Variants in DENND1A observed in about 807,000 individuals in gnomAD.
The protein encoded by DENND1A is DENN domain containing 1A, also known as DENN domain-containing protein 1A.
Under a neutral mutation model 113.7 loss-of-function variants are expected in DENND1A, and 51 were observed. That is an observed-to-expected ratio of 0.45 (90% confidence interval 0.36 to 0.57). The LOEUF (loss-of-function observed/expected upper bound fraction) is 0.57, where lower values mean the gene tolerates loss of function less well. DENND1A is among the 20% of genes least tolerant of loss of function. The probability of loss-of-function intolerance (pLI) is 0.00; values close to 1 mark genes in which losing one functional copy is unlikely to be tolerated. For missense variants in DENND1A, 1,258 were observed against 1,395.9 expected, an observed-to-expected ratio of 0.90 and a Z score of 1.57; for synonymous variants, 565 against 570.8, an observed-to-expected ratio of 0.99 and a Z score of 0.14.
chr9:123,887,083 G>C (rs533508672), intron 1 of DENND1A, among the ~76,000 whole-genome samples: 1 of 152,106 alleles, frequency 6.6e-6, no homozygotes, highest in South Asian at 2.1e-4. Flanking sequence ...GTGTTAATAA[G>C]TTGTCTCATA....
At position 123,433,250 on chromosome 9, in the gene DENND1A, A is replaced by G. The variant is rs573278562; in HGVS notation, c.1488+7110T>C. On this transcript the variant is annotated intron_variant, in intron 19 of 23. Coordinates refer to ENST00000394215, the MANE Select transcript of DENND1A (RefSeq NM_001352964.2). ...ACTTACTGAAGGTCACCAGCTAGTG[A>G]GTGGCACAGCTGAAACTTAAGTCCA... Among the ~76,000 whole-genome samples the G allele has an allele frequency of 2.6e-5, 4 of 152,342 alleles. No individual in the cohort carries two copies. The East Asian group carries it at 7.7e-4, about 29-fold the overall frequency.
chr9:123,382,298 C>T lies in DENND1A; in HGVS notation c.2347G>A (p.Ala783Thr). 1.2e-6 allele frequency: 2 copies of T among 1,610,670 alleles called. No homozygotes were observed. The highest frequency in any genetic ancestry group is 1.1e-5 in the South Asian group (1 of 90,872). Reference sequence around the variant, plus strand: ...GCGGCGCCGGCAGCCTGGAGCTTGGCCGGGCGGGGAATGGGCGGTGGAGGC... The same window carrying T: ...GCGGCGCCGGCAGCCTGGAGCTTGGTCGGGCGGGGAATGGGCGGTGGAGGC... ...IVPPPPIPRP[A>T]KLQAAGAALG... Residue 783 changes from alanine to threonine, a missense_variant, in exon 24 of 24, where the codon GCC becomes ACC. By Grantham distance (58) the Ala-to-Thr change is moderately conservative. Around this residue, in one of 2 missense-constraint regions of DENND1A, gnomAD observed 1,159 missense variants for 1,231.7 expected, o/e 0.94. Coordinates refer to ENST00000394215, the MANE Select transcript of DENND1A (RefSeq NM_001352964.2).
chr9:123,865,906 T>C (rs1367184262), intron 2 of DENND1A, among the ~76,000 whole-genome samples: 1 of 152,110 alleles, frequency 6.6e-6, no homozygotes, highest in East Asian at 1.9e-4. Flanking sequence ...TGGGGGCATT[T>C]TGGGGGGATG....
At chr9:123,626,610 C>A (rs924453483) in intron 10 of DENND1A, among the ~76,000 whole-genome samples, 1 of 152,134 alleles carries the variant, frequency 6.6e-6, no homozygotes, top group Non-Finnish European at 1.5e-5. Flanking sequence ...CTCTGCCCAG[C>A]CCTCAAGCTT....
rs1554916729 is a variant in DENND1A, at chr9:123,620,232, A to AAAAAAAAAAAAAAAAG, written c.719+10143_719+10144insCTTTTTTTTTTTTTTT. On this transcript the variant is annotated intron_variant, in intron 10 of 23. Transcript: ENST00000394215. ...CCATCTCAAAAAAAAAAAAAAAAAA[A>AAAAAAAAAAAAAAAAG]AAAAAAGAAAAGAAAAAGAAAAAAA... is the stretch of plus-strand genomic sequence containing the variant. Among the ~76,000 whole-genome samples, 38 of 114,418 alleles carry AAAAAAAAAAAAAAAAG rather than the reference A, an allele frequency of 3.3e-4. 1 individual carries two copies. The highest frequency in any genetic ancestry group is 1.2e-3 in the African/African-American group (33 of 26,862). The allele number at this position is 114,418 out of a possible 152,430, so 75.1% of individuals were successfully genotyped here.
At chr9:123,725,122 T>C (rs1300610170) in intron 5 of DENND1A, among the ~76,000 whole-genome samples, 1 of 152,220 alleles carries the variant, frequency 6.6e-6, no homozygotes, top group African/African-American at 2.4e-5. Flanking sequence ...ACACCAATTA[T>C]GCCCAAGCTT....
In DENND1A at chr9:123,911,966, T is replaced by C. The variant is rs1588209062; in HGVS notation, c.17+17923A>G. On this transcript the variant is annotated intron_variant, in intron 1 of 23. Transcript: ENST00000394215. ...ACCTCGGCCTCCCAAAGTGCTGGGATTACAGGCTTGAGCCACCGTGCCCTG... is the reference window on the plus strand; with the variant it reads ...ACCTCGGCCTCCCAAAGTGCTGGGACTACAGGCTTGAGCCACCGTGCCCTG... Among the ~76,000 whole-genome samples, 3 of 152,232 alleles carry C rather than the reference T, an allele frequency of 2.0e-5. No individual in the cohort carries two copies. In the South Asian group the frequency reaches 6.2e-4, roughly 32 times the overall value.
chr9:123,552,939 T>C (rs528164813), intron 13 of DENND1A, among the ~76,000 whole-genome samples: 2 of 152,332 alleles, frequency 1.3e-5, no homozygotes, highest in African/African-American at 4.8e-5. Context: ...TGTGGTATCA[T>C]GAAACATTAC....
chr9:123,928,632 T>C, intron 1 of DENND1A: 1 of 985,432 alleles, frequency 1.0e-6, no homozygotes, highest in Non-Finnish European at 1.2e-6. Flanking sequence ...AGCAGATGTC[T>C]CAAGGCTGCT....
intron 13 of DENND1A, among the ~76,000 whole-genome samples, chr9:123,516,453 A>T (rs539730610): frequency 1.4e-4 from 22 of 152,352 alleles, no homozygotes; most frequent in African/African-American, 4.6e-4. Context: ...ATAAACATGA[A>T]TAACAGTTCA....
intron 2 of DENND1A, among the ~76,000 whole-genome samples, chr9:123,840,760 C>T (rs533272206): frequency 6.6e-6 from 1 of 152,270 alleles, no homozygotes; most frequent in East Asian, 1.9e-4. Context: ...TTATGCAAGA[C>T]TCAGCACCGC....
At chr9:123,625,685 A>G (rs2061177726) in intron 10 of DENND1A, among the ~76,000 whole-genome samples, 1 of 152,256 alleles carries the variant, frequency 6.6e-6, no homozygotes, top group African/African-American at 2.4e-5. Flanking sequence ...CTGAGGTTGC[A>G]GTGAGCCAAG....
intron 13 of DENND1A, among the ~76,000 whole-genome samples, chr9:123,535,211 G>A (rs544203523): frequency 2.0e-5 from 3 of 152,106 alleles, no homozygotes; most frequent in African/African-American, 7.2e-5. Flanking sequence ...AATAAGTGTC[G>A]TAAAACTTAA....
chr9:123,862,645 T>C (rs1845207714), intron 2 of DENND1A, among the ~76,000 whole-genome samples: 2 of 152,128 alleles, frequency 1.3e-5, no homozygotes, highest in Non-Finnish European at 1.5e-5. Flanking sequence ...GAAAAAAACA[T>C]TTCCATCTGT....
chr9:123,795,350 A>G (rs1833604024), intron 2 of DENND1A, among the ~76,000 whole-genome samples: 1 of 152,202 alleles, frequency 6.6e-6, no homozygotes, highest in Non-Finnish European at 1.5e-5. Flanking sequence ...ATCTTTTTTC[A>G]CATTGAGTCA....
At chr9:123,690,575 G>C (rs573552548) in intron 5 of DENND1A, among the ~76,000 whole-genome samples, 1 of 152,028 alleles carries the variant, frequency 6.6e-6, no homozygotes, top group African/African-American at 2.4e-5. Context: ...ATATACGAAG[G>C]ATTTTTTCAT....
intron 19 of DENND1A, among the ~76,000 whole-genome samples, chr9:123,420,613 A>C (rs2045198719): frequency 6.6e-6 from 1 of 152,156 alleles, no homozygotes; most frequent in Admixed American, 6.5e-5. Context: ...GCTGAAAGAC[A>C]TCTCAGACTG....
intron 2 of DENND1A, among the ~76,000 whole-genome samples, chr9:123,864,909 C>G (rs1416106544): frequency 6.6e-6 from 1 of 152,174 alleles, no homozygotes; most frequent in Admixed American, 6.5e-5. Flanking sequence ...AGTCACTGTT[C>G]TAGGTGCTGG....
intron 1 of DENND1A, among the ~76,000 whole-genome samples, chr9:123,920,766 T>A (rs1856097490): frequency 4.0e-5 from 6 of 151,508 alleles, no homozygotes; most frequent in Admixed American, 2.6e-4. Flanking sequence ...AGAGATGGGG[T>A]TTTGCCATGT....
Sources: gnomAD v4.1 joint callset for allele counts (sites outside exome capture counted in the v4.1 genomes callset) on GRCh38, gnomAD v4.1.1 for gene constraint, gnomAD v4.1.1 regional missense constraint, MANE v1.5 for transcripts, NCBI Gene and HGNC (gene_info 2026-07-23, HGNC 2026-07-21) for gene names.